The following GALNT17 variants were observed in gnomAD, a reference collection of about 807,000 sequenced individuals.
The protein encoded by GALNT17 is UDP-GalNAc:polypeptide N-acetylgalactosaminyltransferase-like 3.
Under a neutral mutation model 63.7 loss-of-function variants are expected in GALNT17, and 29 were observed. That is an observed-to-expected ratio of 0.46 (90% CI 0.34 to 0.62). The LOEUF (loss-of-function observed/expected upper bound fraction) is 0.62. GALNT17 is among the 20% of genes least tolerant of loss of function. The probability of loss-of-function intolerance (pLI) is 0.01; values close to 1 mark genes in which losing one functional copy is unlikely to be tolerated. For synonymous variants in GALNT17, 305 were observed against 318.3 expected (o/e 0.96, Z 0.45); for missense variants, 603 against 799.6 (o/e 0.75, Z 2.97).
chr7:71,649,955 T>G (rs933315250), intron 6 of GALNT17, among the ~76,000 whole-genome samples: 4 of 152,182 alleles, frequency 2.6e-5, no homozygotes, highest in Non-Finnish European at 4.4e-5. Flanking sequence ...CAGGCATGCC[T>G]GGCTGGCTGC....
chr7:71,153,112 C>G (rs1788163497), intron 1 of GALNT17, among the ~76,000 whole-genome samples: 1 of 151,908 alleles, frequency 6.6e-6, no homozygotes, highest in African/African-American at 2.4e-5. Flanking sequence ...ATGGACGAAG[C>G]AAGGGCTTTG....
intron 5 of GALNT17, among the ~76,000 whole-genome samples, chr7:71,512,920 C>T (rs1026553440): frequency 6.6e-6 from 1 of 152,244 alleles, no homozygotes; most frequent in Non-Finnish European, 1.5e-5. Flanking sequence ...CCAACCTGGC[C>T]TCCTCTTTTT....
chr7:71,650,680 A>G (rs1337554341), intron 6 of GALNT17, among the ~76,000 whole-genome samples: 1 of 152,198 alleles, frequency 6.6e-6, no homozygotes, highest in Admixed American at 6.5e-5. Flanking sequence ...TAGCTTATCT[A>G]TAATTGTGCC....
At chr7:71,689,107 G>A (rs1039784453) in intron 9 of GALNT17, among the ~76,000 whole-genome samples, 4 of 152,028 alleles carry the variant, frequency 2.6e-5, no homozygotes, top group African/African-American at 7.2e-5. Context: ...ACAGGACCGC[G>A]AACGTAAATC....
intron 5 of GALNT17, among the ~76,000 whole-genome samples, chr7:71,423,216 C>G (rs991466735): frequency 1.3e-5 from 2 of 152,172 alleles, no homozygotes; most frequent in African/African-American, 4.8e-5. Flanking sequence ...GGCACAGGCC[C>G]GAGGGTGGAG....
At chr7:71,474,225 C>T (rs1005945339) in intron 5 of GALNT17, among the ~76,000 whole-genome samples, 1 of 152,156 alleles carries the variant, frequency 6.6e-6, no homozygotes, top group African/African-American at 2.4e-5. Context: ...GTGAGGATGA[C>T]CAGACGTCAC....
At chr7:71,347,689 T>G (rs1792120096) in intron 2 of GALNT17, among the ~76,000 whole-genome samples, 1 of 151,668 alleles carries the variant, frequency 6.6e-6, no homozygotes, top group Non-Finnish European at 1.5e-5. Flanking sequence ...ATGGTGAGAG[T>G]CTGGGGAGGG....
chr7:71,658,103 C>T (rs952239032), intron 6 of GALNT17, among the ~76,000 whole-genome samples: 2 of 152,096 alleles, frequency 1.3e-5, no homozygotes, highest in Non-Finnish European at 2.9e-5. Context: ...AGGCTGGTCT[C>T]GCCATGTTGC....
intron 1 of GALNT17, among the ~76,000 whole-genome samples, chr7:71,310,284 G>A (rs1419680002): frequency 2.0e-5 from 3 of 152,160 alleles, no homozygotes; most frequent in Non-Finnish European, 4.4e-5. Context: ...ACTCTGCCAG[G>A]GGCTGAGACG....
intron 2 of GALNT17, among the ~76,000 whole-genome samples, chr7:71,380,441 T>C (rs1254194830): frequency 2.6e-5 from 4 of 151,872 alleles, no homozygotes; most frequent in Admixed American, 1.3e-4. Flanking sequence ...GCTCAAGCCA[T>C]CCTCCTGTCT....
intron 5 of GALNT17, among the ~76,000 whole-genome samples, chr7:71,541,264 G>C (rs1374188458): frequency 6.8e-6 from 1 of 146,704 alleles, no homozygotes; most frequent in African/African-American, 2.5e-5. Flanking sequence ...AAAATGCTGC[G>C]TATGATGGGT....
intron 5 of GALNT17, among the ~76,000 whole-genome samples, chr7:71,446,732 A>G (rs562026293): frequency 7.9e-4 from 121 of 152,218 alleles, no homozygotes; most frequent in Non-Finnish European, 1.4e-3. Context: ...TATTTTTAGT[A>G]GAGACAGGGT....
intron 2 of GALNT17, among the ~76,000 whole-genome samples, chr7:71,378,028 GT>G (rs1217557860): frequency 1.3e-5 from 2 of 152,160 alleles, no homozygotes; most frequent in Non-Finnish European, 2.9e-5. Context: ...ATTTCTAGGA[GT>G]TTTGCTGGGG....
intron 1 of GALNT17, among the ~76,000 whole-genome samples, chr7:71,199,323 C>G (rs1409965713): frequency 1.3e-5 from 2 of 152,110 alleles, no homozygotes. Context: ...ACTACTGTTC[C>G]TAAAGTTGTA....
rs1302622333 is a variant in GALNT17, at chr7:71,379,296, C to T, written c.423-8939C>T. Among the ~76,000 whole-genome samples, 3 of 151,984 alleles carry T rather than the reference C, an allele frequency of 2.0e-5. No homozygotes were observed. In the East Asian group the frequency reaches 5.8e-4, roughly 29 times the overall value. ...TGGCTGGAGAAAGGGCAGGGAGAGG[C>T]GATGAGGTTGGAGAGATGGATCGGG... On this transcript the variant is annotated intron_variant, in intron 2 of 10. Coordinates refer to ENST00000333538, the MANE Select transcript of GALNT17 (RefSeq NM_022479.3).
chr7:71,267,112 G>A (rs955986573), intron 1 of GALNT17, among the ~76,000 whole-genome samples: 1 of 152,198 alleles, frequency 6.6e-6, no homozygotes, highest in Non-Finnish European at 1.5e-5. Flanking sequence ...AGCACATGCT[G>A]CATCCCTGTG....
intron 6 of GALNT17, among the ~76,000 whole-genome samples, chr7:71,628,180 T>A (rs1790403086): frequency 6.6e-6 from 1 of 152,078 alleles, no homozygotes; most frequent in African/African-American, 2.4e-5. Flanking sequence ...TATCACGCAA[T>A]GATACTTTTA....
intron 1 of GALNT17, among the ~76,000 whole-genome samples, chr7:71,196,970 ATTT>A (rs749682671): frequency 2.8e-5 from 4 of 142,026 alleles, no homozygotes; most frequent in Non-Finnish European, 6.2e-5. Context: ...TTTTTAAAAA[ATTT>A]ATTTTTAATT....
chr7:71,623,226 A>G lies in GALNT17; in HGVS notation c.1081-42185A>G, dbSNP rs188422789. Among the ~76,000 whole-genome samples, 188 of 152,204 alleles carry G rather than the reference A, an allele frequency of 1.2e-3. 1 individual carries two copies. The highest frequency in any genetic ancestry group is 4.4e-3 in the African/African-American group (183 of 41,524). On this transcript the variant is annotated intron_variant, in intron 6 of 10. Coordinates refer to ENST00000333538, the MANE Select transcript of GALNT17 (RefSeq NM_022479.3). ...TGTGTGGCATTAGGCAAGTTACTTAATCTCTCTGTGCCTCCTTTTCCTCAT... is the reference window on the plus strand; with the variant it reads ...TGTGTGGCATTAGGCAAGTTACTTAGTCTCTCTGTGCCTCCTTTTCCTCAT...
Sources: gnomAD v4.1 joint callset for allele counts (sites outside exome capture counted in the v4.1 genomes callset) on GRCh38, gnomAD v4.1.1 for gene constraint, MANE v1.5 for transcripts, NCBI Gene and HGNC (gene_info 2026-07-23, HGNC 2026-07-21) for gene names.